Variants in ALK observed in about 807,000 individuals in gnomAD.
ALK encodes the protein ALK tyrosine kinase receptor.
Under a neutral mutation model 163.1 loss-of-function variants are expected in ALK, and 74 were observed. The observed-to-expected ratio is 0.45, with a 90% CI of 0.38 to 0.55. ALK has a LOEUF of 0.55. Ranked by LOEUF, ALK falls within the 20% of genes least tolerant of loss-of-function variation. The probability of loss-of-function intolerance (pLI) is 0.00; values close to 1 mark genes in which losing one functional copy is unlikely to be tolerated. For synonymous variants in ALK, 960 were observed against 843.2 expected (o/e 1.14, Z -2.40); for missense variants, 2,063 against 2,105.3 (o/e 0.98, Z 0.39).
intron 5 of ALK, among the ~76,000 whole-genome samples, chr2:29,363,315 G>A (rs557674004): frequency 2.6e-5 from 4 of 152,318 alleles, no homozygotes; most frequent in African/African-American, 4.8e-5. Context: ...GGCCTTCACC[G>A]ATGACAGCTG....
chr2:29,587,019 G>T (rs1242565785), intron 3 of ALK, among the ~76,000 whole-genome samples: 3 of 152,182 alleles, frequency 2.0e-5, no homozygotes, highest in African/African-American at 7.2e-5. Flanking sequence ...GCCCCTCAAT[G>T]CAAATGAAGC....
At chr2:29,549,668 A>G (rs1443812921) in intron 3 of ALK, among the ~76,000 whole-genome samples, 1 of 152,244 alleles carries the variant, frequency 6.6e-6, no homozygotes, top group Non-Finnish European at 1.5e-5. Context: ...AATAAATTTT[A>G]TAAAATACAT....
chr2:29,837,734 T>C (rs1267874168), intron 1 of ALK, among the ~76,000 whole-genome samples: 2 of 152,168 alleles, frequency 1.3e-5, no homozygotes, highest in Non-Finnish European at 2.9e-5. Flanking sequence ...AATTCAACTA[T>C]TTATTAAGGA....
At chr2:29,871,874 A>C (rs947144806) in intron 1 of ALK, among the ~76,000 whole-genome samples, 10 of 152,240 alleles carry the variant, frequency 6.6e-5, no homozygotes, top group African/African-American at 2.2e-4. Flanking sequence ...TCACAAATTG[A>C]GGGCAATTAT....
At chr2:29,536,975 A>C (rs943583306) in intron 3 of ALK, among the ~76,000 whole-genome samples, 4 of 152,244 alleles carry the variant, frequency 2.6e-5, no homozygotes, top group African/African-American at 4.8e-5. Flanking sequence ...AGTGTTCATG[A>C]GTGGTCTAGC....
chr2:29,787,511 T>C (rs1664067103), intron 1 of ALK, among the ~76,000 whole-genome samples: 1 of 152,246 alleles, frequency 6.6e-6, no homozygotes, highest in African/African-American at 2.4e-5. Flanking sequence ...GCACAGGCTT[T>C]TCCTTGGAGC....
At chr2:29,890,624 G>C (rs184761527) in intron 1 of ALK, 1 of 152,172 alleles carries the variant, frequency 6.6e-6, no homozygotes, top group Non-Finnish European at 1.5e-5. Context: ...GAATTTTTAC[G>C]TATATTCTCT....
intron 1 of ALK, among the ~76,000 whole-genome samples, chr2:29,860,393 A>G (rs1398568600): frequency 1.6e-5 from 1 of 62,182 alleles, no homozygotes; most frequent in African/African-American, 4.9e-5. Flanking sequence ...GGAAAGGGAG[A>G]AAAAAAAAAA....
At chr2:29,292,064 G>A (rs541911387) in intron 9 of ALK, among the ~76,000 whole-genome samples, 4 of 152,320 alleles carry the variant, frequency 2.6e-5, no homozygotes, top group Non-Finnish European at 2.9e-5. Flanking sequence ...ACCACTTGTC[G>A]TTTAGGACAA....
chr2:29,502,058 T>C (rs1672202678), intron 4 of ALK, among the ~76,000 whole-genome samples: 1 of 152,226 alleles, frequency 6.6e-6, no homozygotes, highest in South Asian at 2.1e-4. Context: ...GTTTATCCAT[T>C]TATCTCTTGA....
intron 24 of ALK, among the ~76,000 whole-genome samples, chr2:29,212,665 A>C (rs1573106931): frequency 6.6e-6 from 1 of 152,178 alleles, no homozygotes; most frequent in Admixed American, 6.5e-5. Flanking sequence ...GGGAGAAAGC[A>C]TAACTTGTTA....
At chr2:29,620,472 C>T (rs1480477293) in intron 3 of ALK, among the ~76,000 whole-genome samples, 1 of 106,334 alleles carries the variant, frequency 9.4e-6, no homozygotes, top group Non-Finnish European at 1.7e-5. Context: ...AGGACCTCAA[C>T]ATATACTTTT....
intron 5 of ALK, among the ~76,000 whole-genome samples, chr2:29,344,783 G>A (rs1667897871): frequency 6.6e-6 from 1 of 152,252 alleles, no homozygotes; most frequent in Admixed American, 6.5e-5. Context: ...GGCACACAGA[G>A]AAGGAGTGTC....
chr2:29,491,897 C>A (rs1341103382), intron 4 of ALK, among the ~76,000 whole-genome samples: 1 of 152,196 alleles, frequency 6.6e-6, no homozygotes, highest in Non-Finnish European at 1.5e-5. Context: ...GCACTTTTCA[C>A]AGATGTCTAA....
chr2:29,650,495 G>T (rs1190982098), intron 3 of ALK, among the ~76,000 whole-genome samples: 1 of 152,118 alleles, frequency 6.6e-6, no homozygotes, highest in African/African-American at 2.4e-5. Context: ...GTCTTAAGAC[G>T]TCCCGGGGCT....
intron 3 of ALK, 34 bp from the exon 4 acceptor site, chr2:29,532,150 G>A (rs776030652): frequency 3.7e-6 from 6 of 1,600,954 alleles, no homozygotes; most frequent in Non-Finnish European, 4.3e-6. Flanking sequence ...ATCTGCAGAT[G>A]TGTTCAGGTA....
At chr2:29,251,409 C>A in intron 11 of ALK, 142 bp from the exon 12 acceptor site, 1 of 818,910 alleles carries the variant, frequency 1.2e-6, no homozygotes. Context: ...GCAAGAAACA[C>A]CAATCAGCCA....
intron 3 of ALK, among the ~76,000 whole-genome samples, chr2:29,556,281 A>C (rs1035614589): frequency 2.6e-5 from 4 of 152,160 alleles, no homozygotes; most frequent in Admixed American, 2.0e-4. Flanking sequence ...AGTGTCTATG[A>C]AATAGGGACA....
At chr2:29,671,031 G>C (rs1042865462) in intron 3 of ALK, among the ~76,000 whole-genome samples, 1 of 151,948 alleles carries the variant, frequency 6.6e-6, no homozygotes, top group Non-Finnish European at 1.5e-5. Context: ...CTTTTGGTAG[G>C]TCATGGTTCC....
Sources: allele counts gnomAD v4.1 joint callset (sites outside exome capture counted in the v4.1 genomes callset), GRCh38; gene constraint gnomAD v4.1.1; transcripts MANE v1.5; gene names NCBI Gene and HGNC (gene_info 2026-07-23, HGNC 2026-07-21).